Variants in SRP68 observed in about 807,000 individuals in gnomAD.
SRP68 encodes signal recognition particle 68.
In SRP68, 15 loss-of-function variants were observed where a neutral mutation model predicts 82.2. The ratio of observed to expected loss-of-function variants is 0.18; its 90% CI spans 0.12 to 0.28. SRP68 has a LOEUF of 0.28. Ranked by LOEUF, SRP68 falls within the 10% of genes least tolerant of loss-of-function variation. The pLI is 1.00. For missense variants in SRP68, 595 were observed against 780.5 expected, an observed-to-expected ratio of 0.76 and a Z score of 2.83; for synonymous variants, 261 against 292.6, an observed-to-expected ratio of 0.89 and a Z score of 1.10.
chr17:76,072,152 C>G lies in SRP68; in HGVS notation c.184+156G>C, dbSNP rs955468532. The G allele has an allele frequency of 3.5e-6, 5 of 1,416,328 alleles. No homozygotes were observed. The highest frequency in any genetic ancestry group is 2.2e-4 in the Middle Eastern group (1 of 4,468). The allele number at this position is 1,416,328 out of a possible 1,614,324, so 87.7% of individuals were successfully genotyped here. On this transcript the variant is annotated intron_variant, in intron 1 of 15. Transcript: ENST00000307877. The surrounding 1 kb of genome is among the most constrained non-coding windows in gnomAD (Gnocchi z 4.5). ...GAAAGACTAGTCGAGAGACAGACCCCCCCCGGAATTCTGAGCACCAAAAGG... is the reference window on the plus strand; with the variant it reads ...GAAAGACTAGTCGAGAGACAGACCCGCCCCGGAATTCTGAGCACCAAAAGG...
chr17:76,062,722 ATTTATTT>A, intron 4 of SRP68, among the ~76,000 whole-genome samples: 3 of 36,136 alleles, frequency 8.3e-5, no homozygotes, highest in African/African-American at 1.7e-4. Context: ...AATATATTAT[ATTTATTT>A]TATATATATA....
At chr17:76,061,363 T>A in intron 5 of SRP68, 129 bp downstream of exon 5, 1 of 965,016 alleles carries the variant, frequency 1.0e-6, no homozygotes, top group Non-Finnish European at 1.6e-6. Flanking sequence ...TGAAAGAGAA[T>A]CATCAACATT....
chr17:76,047,834 A>C, intron 10 of SRP68, 72 bp downstream of exon 10: 1 of 782,704 alleles, frequency 1.3e-6, no homozygotes, highest in Non-Finnish European at 1.8e-6. Context: ...AATATACATA[A>C]ATATTACATA....
chr17:76,048,268 C>T (rs2066646144), intron 9 of SRP68: 1 of 175,552 alleles, frequency 5.7e-6, no homozygotes, highest in South Asian at 1.8e-4. Context: ...TCAGACATTC[C>T]ACAGTCCACG....
intron 6 of SRP68, 123 bp downstream of exon 6, chr17:76,060,987 G>A (rs2066748450): frequency 1.4e-6 from 1 of 710,236 alleles, no homozygotes; most frequent in Admixed American, 2.3e-5. Context: ...CAAAACTCAG[G>A]TCAATGATGG....
At chr17:76,042,478 T>C (rs1028259503) in intron 13 of SRP68, among the ~76,000 whole-genome samples, 2 of 141,472 alleles carry the variant, frequency 1.4e-5, no homozygotes, top group African/African-American at 2.7e-5. Flanking sequence ...CTGGGCTTGG[T>C]GGCACAAGCC....
At chr17:76,067,092 A>C in intron 3 of SRP68, 125 bp downstream of exon 3, 1 of 740,040 alleles carries the variant, frequency 1.4e-6, no homozygotes, top group Non-Finnish European at 2.3e-6. Flanking sequence ...CTTAGAACAC[A>C]GGAATAGTAA....
chr17:76,050,482 G>T lies in SRP68; in HGVS notation c.1023C>A (p.Leu341=). Residue 341 remains leucine, a synonymous_variant, in exon 9 of 16, where the codon CTC becomes CTA. Coordinates refer to ENST00000307877, the MANE Select transcript of SRP68 (RefSeq NM_014230.4). ...ETKERLFESM[L]SECRDAIQVV... is the part of the protein sequence containing the mutation. ...CCTGGATGGCGTCCCGACACTCGCT[G>T]AGCATTGATTCAAACAGGCGCTCCT... 6.2e-7 allele frequency: 1 copy of T among 1,613,802 alleles called. No homozygotes were observed. The highest frequency in any genetic ancestry group is 1.1e-5 in the South Asian group (1 of 91,068).
intron 8 of SRP68, among the ~76,000 whole-genome samples, chr17:76,056,742 C>A (rs2066716372): frequency 6.6e-6 from 1 of 152,196 alleles, no homozygotes; most frequent in African/African-American, 2.4e-5. Flanking sequence ...CCACTGTTCC[C>A]TGATGAGGCA....
Position 76,039,614 on chromosome 17 carries a change from A to G in SRP68, c.*92T>C. 1 of 1,287,482 alleles carries G rather than the reference A, an allele frequency of 7.8e-7. No homozygotes were observed. Among genetic ancestry groups the G allele is most frequent in the Non-Finnish European group, 1.1e-6 (1 of 918,234 alleles). 79.8% of individuals were successfully genotyped at this position (1,287,482 alleles called of 1,614,324 possible). ...TTAAACTCTTGCCCCGGGCCAATGC[A>G]GACCTGGATTTAATATCATGGAACT... On this transcript the variant is annotated 3_prime_UTR_variant, in exon 16 of 16. Transcript: ENST00000307877.
chr17:76,054,781 C>A (rs1490428773), intron 8 of SRP68, among the ~76,000 whole-genome samples: 3 of 151,812 alleles, frequency 2.0e-5, no homozygotes, highest in African/African-American at 7.3e-5. Context: ...TGAGATCACA[C>A]CATTGCACAA....
intron 10 of SRP68, among the ~76,000 whole-genome samples, chr17:76,046,465 G>GAAAAAAAAA (rs745410222): frequency 8.4e-5 from 6 of 71,262 alleles, no homozygotes; most frequent in Non-Finnish European, 1.1e-4. Context: ...CCACACAGTG[G>GAAAAAAAAA]AAAAAAAAAA....
intron 4 of SRP68, 57 bp from the exon 5 acceptor site, chr17:76,061,631 A>T: frequency 7.1e-7 from 1 of 1,417,808 alleles, no homozygotes; most frequent in South Asian, 1.2e-5. Context: ...GCTCCCACTC[A>T]ATCTTCCTTT....
chr17:76,067,453 TA>T lies in SRP68; in HGVS notation c.252-124del, dbSNP rs1280254090. On this transcript the variant is annotated intron_variant, in intron 2 of 15. Coordinates refer to ENST00000307877, the MANE Select transcript of SRP68 (RefSeq NM_014230.4). ...ATATTATACTTATGGTTACTAGAAT[TA>T]TCACATATCAGCTTCCAAACATTTT... 1.3e-5 allele frequency: 9 copies of T among 689,702 alleles called. No individual in the cohort carries two copies. In the East Asian group the frequency reaches 2.2e-4, roughly 17 times the overall value. 42.7% of individuals were successfully genotyped at this position (689,702 alleles called of 1,614,324 possible).
intron 3 of SRP68, among the ~76,000 whole-genome samples, chr17:76,066,428 C>T (rs930122009): frequency 7.0e-6 from 1 of 143,164 alleles, no homozygotes; most frequent in African/African-American, 2.7e-5. Flanking sequence ...CCAACCTGGG[C>T]AACAGAGTGA....
Position 76,061,206 on chromosome 17 carries a change from T to G in SRP68, c.658A>C (p.Lys220Gln). 6.2e-7 allele frequency: 1 copy of G among 1,611,398 alleles called. No individual in the cohort carries two copies. The highest frequency in any genetic ancestry group is 8.5e-7 in the Non-Finnish European group (1 of 1,178,112). ...AFNKCKTIYEKLASAFTEEQA... is the reference protein window; with the variant it reads ...AFNKCKTIYEQLASAFTEEQA... ...TCCTCTGTGAAAGCACTGGCTAGCT[T>G]CTCATAGATAGTTCTGCGAGAAAAG... Residue 220 changes from lysine to glutamine, a missense_variant, in exon 6 of 16, where the codon AAG becomes CAG. Physicochemically the swap from Lys to Gln is moderately conservative, Grantham distance 53 (BLOSUM62 1). This residue lies in a region of SRP68 where 495 missense variants were observed against 688.6 expected (regional missense o/e 0.72). Coordinates refer to ENST00000307877, the MANE Select transcript of SRP68 (RefSeq NM_014230.4).
At position 76,039,314 on chromosome 17, in the gene SRP68, A is replaced by C. The variant is rs1305371253; in HGVS notation, c.*392T>G. On this transcript the variant is annotated 3_prime_UTR_variant, in exon 16 of 16. Transcript: ENST00000307877. ...TCAAGGGCTCCTGGATGCTCACAGC[A>C]AGGATGAGTTCATTTCAAATCCATG... 2.1e-6 allele frequency: 1 copy of C among 466,042 alleles called. No homozygotes were observed. Among genetic ancestry groups the C allele is most frequent in the East Asian group, 6.7e-5 (1 of 14,908 alleles). The allele number at this position is 466,042 out of a possible 1,614,324, so 28.9% of individuals were successfully genotyped here.
chr17:76,049,067 G>A (rs1025325050), intron 9 of SRP68: 2 of 152,150 alleles, frequency 1.3e-5, no homozygotes, highest in African/African-American at 4.8e-5. Context: ...CGAAGTTATT[G>A]TTGTTTAATG....
At chr17:76,055,477 C>G (rs1048154242) in intron 8 of SRP68, among the ~76,000 whole-genome samples, 2 of 151,824 alleles carry the variant, frequency 1.3e-5, no homozygotes, top group Non-Finnish European at 2.9e-5. Flanking sequence ...TCATGTGGGC[C>G]CGGTGCAGTG....
Sources: allele counts gnomAD v4.1 joint callset (sites outside exome capture counted in the v4.1 genomes callset), GRCh38; gene constraint gnomAD v4.1.1; regional missense constraint gnomAD v4.1.1; non-coding constraint Gnocchi (gnomAD v3.1); transcripts MANE v1.5; gene names NCBI Gene and HGNC (gene_info 2026-07-23, HGNC 2026-07-21).